Variants in PLPP4 observed in about 807,000 individuals in gnomAD.
The protein encoded by PLPP4 is diacylglycerol pyrophosphate like 2.
A neutral mutation model predicts 32.2 loss-of-function variants in PLPP4; 20 were observed. That is an observed-to-expected ratio of 0.62 (90% CI 0.44 to 0.90). PLPP4 has a LOEUF of 0.90. Ranked by LOEUF, PLPP4 falls within the 40% of genes least tolerant of loss-of-function variation. PLPP4 has a pLI of 0.00. For synonymous variants in PLPP4, 127 were observed against 133.0 expected, an observed-to-expected ratio of 0.95 and a Z score of 0.31; for missense variants, 257 against 353.1, an observed-to-expected ratio of 0.73 and a Z score of 2.18.
chr10:120,581,144 C>A (rs1319397422), intron 6 of PLPP4: 9 of 985,338 alleles, frequency 9.1e-6, no homozygotes, highest in African/African-American at 3.5e-5. Context: ...CTTCCTGCCT[C>A]CAGGATAGCC....
chr10:120,546,643 C>T (rs1243657627), intron 5 of PLPP4, among the ~76,000 whole-genome samples: 2 of 152,182 alleles, frequency 1.3e-5, no homozygotes, highest in African/African-American at 2.4e-5. Flanking sequence ...GCTCCTTCCC[C>T]CAACGCAGTG....
At chr10:120,464,404 C>G (rs183810764) in intron 1 of PLPP4, among the ~76,000 whole-genome samples, 101 of 152,226 alleles carry the variant, frequency 6.6e-4, no homozygotes, top group African/African-American at 2.4e-3. Context: ...AAGAGAAACA[C>G]CATAGGTGTC....
chr10:120,474,687 A>G (rs1843816743), intron 1 of PLPP4, among the ~76,000 whole-genome samples: 2 of 152,226 alleles, frequency 1.3e-5, no homozygotes, highest in South Asian at 4.1e-4. Flanking sequence ...CACAAAAAAA[A>G]TCATATTGTT....
chr10:120,539,914 A>G (rs1247581688), intron 5 of PLPP4, among the ~76,000 whole-genome samples: 1 of 152,020 alleles, frequency 6.6e-6, no homozygotes, highest in Admixed American at 6.6e-5. Context: ...CTACCTAATA[A>G]CAGATGCTAG....
At chr10:120,513,299 T>C (rs1405136553) in intron 2 of PLPP4, among the ~76,000 whole-genome samples, 2 of 152,128 alleles carry the variant, frequency 1.3e-5, no homozygotes, top group East Asian at 3.8e-4. Flanking sequence ...AGTACCATGG[T>C]TTCCACCTCA....
chr10:120,568,371 G>C (rs12245919), intron 5 of PLPP4, among the ~76,000 whole-genome samples: 1 of 152,062 alleles, frequency 6.6e-6, no homozygotes, highest in Non-Finnish European at 1.5e-5. Context: ...ATGACATCTC[G>C]TAAAAGGCAG....
At chr10:120,517,988 A>G (rs1186979999) in intron 3 of PLPP4, among the ~76,000 whole-genome samples, 2 of 152,194 alleles carry the variant, frequency 1.3e-5, no homozygotes, top group African/African-American at 4.8e-5. Context: ...TGGGGCATCA[A>G]TAGGTTTGTA....
intron 3 of PLPP4, among the ~76,000 whole-genome samples, chr10:120,517,068 G>C (rs1386976223): frequency 6.6e-6 from 1 of 152,148 alleles, no homozygotes; most frequent in African/African-American, 2.4e-5. Context: ...GAACTGCTCT[G>C]TGCTGCGATA....
At chr10:120,575,622 G>A (rs1373605388) in intron 6 of PLPP4, among the ~76,000 whole-genome samples, 1 of 152,092 alleles carries the variant, frequency 6.6e-6, no homozygotes, top group Admixed American at 6.5e-5. Flanking sequence ...TGGATCACTT[G>A]CCTCAGTCCT....
rs972974599 is a variant in PLPP4 at position 120,538,052 on chromosome 10, CTGTG to C, written c.445+16987_445+16990del. ...TCTCTCTCTCTCTCTCTCTCTCTCT[CTGTG>C]TGTGTGTGTGTGTGTGTGTGTGTGT... is the stretch of plus-strand genomic sequence containing the variant. On this transcript the variant is annotated intron_variant, in intron 5 of 6. Transcript: ENST00000398250. Among the ~76,000 whole-genome samples the C allele has an allele frequency of 4.7e-3, 90 of 18,988 alleles. 4 individuals carry two copies. Among genetic ancestry groups the C allele is most frequent in the African/African-American group, 0.01 (42 of 4,012 alleles). 12.5% of individuals were successfully genotyped at this position (18,988 alleles called of 152,430 possible).
chr10:120,534,482 A>G (rs1228227187), intron 5 of PLPP4, among the ~76,000 whole-genome samples: 1 of 151,956 alleles, frequency 6.6e-6, no homozygotes, highest in African/African-American at 2.4e-5. Context: ...ATTAATGTTT[A>G]TCATCGAATT....
At chr10:120,583,282 A>G in intron 6 of PLPP4, among the ~76,000 whole-genome samples, 1 of 151,820 alleles carries the variant, frequency 6.6e-6, no homozygotes, top group East Asian at 2.0e-4. Context: ...AGAACTCATA[A>G]GGTCCTTCCT....
At position 120,589,649 on chromosome 10, in the gene PLPP4, TTCCTGCTACTTTAAATG is replaced by T; in HGVS notation, c.*150_*166del. ...TTCTGCTTCTGTTTCACTGATGGTG[TTCCTGCTACTTTAAATG>T]TCTACTTCCAACATCCTTGAATTTG... On this transcript the variant is annotated 3_prime_UTR_variant, in exon 7 of 7. Coordinates refer to ENST00000398250, the MANE Select transcript of PLPP4 (RefSeq NM_001030059.3). The T allele has an allele frequency of 1.6e-6, 1 of 635,026 alleles. No homozygotes were observed. Among genetic ancestry groups the T allele is most frequent in the South Asian group, 2.2e-5 (1 of 45,892 alleles). The allele number at this position is 635,026 out of a possible 1,614,324, so 39.3% of individuals were successfully genotyped here.
intron 5 of PLPP4, among the ~76,000 whole-genome samples, chr10:120,565,731 T>A (rs1238083460): frequency 6.6e-6 from 1 of 152,288 alleles, no homozygotes. Flanking sequence ...TGAGATACCC[T>A]CTGCCATTAT....
intron 1 of PLPP4, among the ~76,000 whole-genome samples, chr10:120,465,140 G>A (rs984026576): frequency 1.3e-5 from 2 of 152,192 alleles, no homozygotes. Context: ...TTCAATGATA[G>A]CATTTGTAAA....
chr10:120,528,813 C>T (rs929989301), intron 5 of PLPP4, among the ~76,000 whole-genome samples: 4 of 152,146 alleles, frequency 2.6e-5, no homozygotes, highest in African/African-American at 9.7e-5. Context: ...TTATCACTCC[C>T]TCCTCCCCAT....
intron 5 of PLPP4, among the ~76,000 whole-genome samples, chr10:120,554,198 C>T (rs1848040668): frequency 6.6e-6 from 1 of 152,138 alleles, no homozygotes; most frequent in Non-Finnish European, 1.5e-5. Context: ...ATTTCTTCTG[C>T]CAGATACTGT....
intron 2 of PLPP4, among the ~76,000 whole-genome samples, chr10:120,507,585 G>A (rs1257404277): frequency 2.6e-5 from 4 of 152,210 alleles, no homozygotes; most frequent in Non-Finnish European, 4.4e-5. Context: ...GGCTGAACCA[G>A]GATCTGAGCA....
At chr10:120,497,966 G>T (rs937311462) in intron 1 of PLPP4, among the ~76,000 whole-genome samples, 1 of 152,088 alleles carries the variant, frequency 6.6e-6, no homozygotes, top group African/African-American at 2.4e-5. Flanking sequence ...CGTGAACCTG[G>T]GAGGCGGAGC....
Sources: gnomAD v4.1 joint callset for allele counts (sites outside exome capture counted in the v4.1 genomes callset) on GRCh38, gnomAD v4.1.1 for gene constraint, MANE v1.5 for transcripts, NCBI Gene and HGNC (gene_info 2026-07-23, HGNC 2026-07-21) for gene names.